The following SHISA5 variants were observed in gnomAD, a reference collection of about 807,000 sequenced individuals.
SHISA5 encodes the protein shisa family member 5.
A neutral mutation model predicts 27.5 loss-of-function variants in SHISA5; 21 were observed. The observed-to-expected ratio is 0.76, with a 90% CI of 0.54 to 1.10. SHISA5 has a LOEUF of 1.10. Ranked by LOEUF, SHISA5 falls within the 50% of genes least tolerant of loss-of-function variation. The pLI is 0.00. For synonymous variants in SHISA5, 137 were observed against 142.2 expected (o/e 0.96, Z 0.26); for missense variants, 314 against 336.3 (o/e 0.93, Z 0.52).
intron 2 of SHISA5, among the ~76,000 whole-genome samples, chr3:48,483,351 T>A (rs2041085732): frequency 6.6e-6 from 1 of 152,008 alleles, no homozygotes; most frequent in Admixed American, 6.6e-5. Flanking sequence ...CCGCCCTTAA[T>A]CCATTTAACC....
Position 48,473,102 on chromosome 3 carries a change from C to A in SHISA5, c.315-3259G>T. ...GGGCCACTCAGTTTCAATTTCCTCC[C>A]CTTTTGGAGAAAAAGAAAGCAAATC... On this transcript the variant is annotated intron_variant, in intron 3 of 5. Coordinates refer to ENST00000296444, the MANE Select transcript of SHISA5 (RefSeq NM_016479.6). The surrounding 1 kb of genome is among the most constrained non-coding windows in gnomAD (Gnocchi z 4.3). 1 of 1,486,300 alleles carries A rather than the reference C, an allele frequency of 6.7e-7. No individual in the cohort carries two copies. Among genetic ancestry groups the A allele is most frequent in the South Asian group, 1.3e-5 (1 of 77,814 alleles). 92.1% of individuals were successfully genotyped at this position (1,486,300 alleles called of 1,614,324 possible).
Position 48,504,029 on chromosome 3 carries a change from C to T in SHISA5, c.66G>A (p.Pro22=). ...CCACCCCCGGCTCACCACCCGGAGG[C>T]GGCGTTAGCAGCAGCAGCAACAGCA... ...LPLLLLLLLT[P]PPGARGEVCM... The change falls in exon 1 of 6, where the codon CCG becomes CCA. Residue 22 remains proline (P), a synonymous_variant. Coordinates refer to ENST00000296444, the MANE Select transcript of SHISA5 (RefSeq NM_016479.6). The surrounding 1 kb of genome is among the most constrained non-coding windows in gnomAD (Gnocchi z 4.0). 2.7e-6 allele frequency: 4 copies of T among 1,466,580 alleles called. No individual in the cohort carries two copies. The highest frequency in any genetic ancestry group is 2.7e-6 in the Non-Finnish European group (3 of 1,105,580). The allele number at this position is 1,466,580 out of a possible 1,614,324, so 90.8% of individuals were successfully genotyped here.
chr3:48,486,503 AT>A (rs1437000977), intron 2 of SHISA5, among the ~76,000 whole-genome samples: 1 of 113,276 alleles, frequency 8.8e-6, no homozygotes, highest in Non-Finnish European at 1.7e-5. Flanking sequence ...TATATTTATA[AT>A]TATATAATAT....
At position 48,473,637 on chromosome 3, in the gene SHISA5, T is replaced by C; in HGVS notation, c.315-3794A>G. Reference sequence around the variant, plus strand: ...TGGGGCCACCATGCAAGGTCCATCATGTCACCACCTGCTCAAACGCCAGCT... The same window carrying C: ...TGGGGCCACCATGCAAGGTCCATCACGTCACCACCTGCTCAAACGCCAGCT... On this transcript the variant is annotated intron_variant, in intron 3 of 5. Coordinates refer to ENST00000296444, the MANE Select transcript of SHISA5 (RefSeq NM_016479.6). The surrounding 1 kb of genome is among the most constrained non-coding windows in gnomAD (Gnocchi z 4.3). 2 of 1,179,036 alleles carry C rather than the reference T, an allele frequency of 1.7e-6. No homozygotes were observed. Among genetic ancestry groups the C allele is most frequent in the Non-Finnish European group, 2.1e-6 (2 of 933,520 alleles). The allele number at this position is 1,179,036 out of a possible 1,614,324, so 73.0% of individuals were successfully genotyped here.
intron 2 of SHISA5, among the ~76,000 whole-genome samples, chr3:48,490,049 G>A (rs1013786227): frequency 6.6e-6 from 1 of 152,026 alleles, no homozygotes; most frequent in African/African-American, 2.4e-5. Context: ...CCAGGTTGCC[G>A]CCACCTCCGT....
At chr3:48,497,252 T>A (rs2041581049) in intron 2 of SHISA5, among the ~76,000 whole-genome samples, 1 of 148,618 alleles carries the variant, frequency 6.7e-6, no homozygotes, top group Non-Finnish European at 1.5e-5. Flanking sequence ...TCTTAAGGCT[T>A]CCAGAACAAG....
chr3:48,470,840 T>C lies in SHISA5; in HGVS notation c.315-997A>G, dbSNP rs1403388496. On this transcript the variant is annotated intron_variant, in intron 3 of 5. Coordinates refer to ENST00000296444, the MANE Select transcript of SHISA5 (RefSeq NM_016479.6). The surrounding 1 kb of genome is among the most constrained non-coding windows in gnomAD (Gnocchi z 4.3). ...TACTTGGGAGGCTGAGGCAGGAGAA[T>C]CGCTTGAACCCGAGAGGCAGAGGTT... Among the ~76,000 whole-genome samples, 2 of 151,416 alleles carry C rather than the reference T, an allele frequency of 1.3e-5. No individual in the cohort carries two copies. Among genetic ancestry groups the C allele is most frequent in the African/African-American group, 4.9e-5 (2 of 41,142 alleles).
intron 3 of SHISA5, among the ~76,000 whole-genome samples, chr3:48,474,248 C>T (rs1040270884): frequency 1.3e-5 from 2 of 151,448 alleles, no homozygotes; most frequent in African/African-American, 2.4e-5. Context: ...CCACCACACT[C>T]GGCTATTTTT....
Position 48,469,131 on chromosome 3 carries a change from C to T in SHISA5, c.699G>A (p.Met233Ile). ...CTCAGAGGGCCGCCTTCGGGGCATC[C>T]ATGTAGGCCGGGTTGTAAGGAGGCT... ...ASQPPYNPAYMDAPKAAL is the reference protein window; with the variant it reads ...ASQPPYNPAYIDAPKAAL Residue 233 changes from methionine (M) to isoleucine (I), a missense_variant, in exon 6 of 6, where the codon ATG (methionine) becomes ATA (isoleucine). Coordinates refer to ENST00000296444, the MANE Select transcript of SHISA5 (RefSeq NM_016479.6). The surrounding 1 kb of genome is among the most constrained non-coding windows in gnomAD (Gnocchi z 4.6). 6.2e-7 allele frequency: 1 copy of T among 1,613,098 alleles called. No individual in the cohort carries two copies. Among genetic ancestry groups the T allele is most frequent in the Non-Finnish European group, 8.5e-7 (1 of 1,180,006 alleles).
In SHISA5 at chr3:48,467,922, C is replaced by G. The variant is rs145108953; in HGVS notation, c.*1185G>C. On this transcript the variant is annotated 3_prime_UTR_variant, in exon 6 of 6. Coordinates refer to ENST00000296444, the MANE Select transcript of SHISA5 (RefSeq NM_016479.6). ...TAAACAAGTGTACAGACCCTAGACT[C>G]AGAAACACAACAGATTTGAGCTAAG... 5.6e-6 allele frequency: 2 copies of G among 355,856 alleles called. No individual in the cohort carries two copies. The highest frequency in any genetic ancestry group is 1.0e-5 in the Non-Finnish European group (2 of 198,000). 22.0% of individuals were successfully genotyped at this position (355,856 alleles called of 1,614,324 possible). A position where few individuals can be genotyped will look rare whatever the true frequency, so the allele number is the denominator to read the frequency against.
chr3:48,477,245 C>T (rs899789688), intron 3 of SHISA5, among the ~76,000 whole-genome samples: 2 of 152,000 alleles, frequency 1.3e-5, no homozygotes, highest in African/African-American at 2.4e-5. Context: ...CAGGCACCCG[C>T]CAACACGCCC....
Position 48,473,258 on chromosome 3 carries a change from G to C in SHISA5, c.315-3415C>G. ...CCAAGGGGCGGGGGCCGGGGAGGAG[G>C]GGAAGCAGAGGTGCCCCATTTGCCT... On this transcript the variant is annotated intron_variant, in intron 3 of 5. Transcript: ENST00000296444. This position sits in a 1 kb window ranked among gnomAD's most constrained non-coding sequence, Gnocchi z 4.3. The C allele has an allele frequency of 7.1e-7, 1 of 1,415,168 alleles. No homozygotes were observed. Among genetic ancestry groups the C allele is most frequent in the South Asian group, 1.5e-5 (1 of 67,456 alleles). The allele number at this position is 1,415,168 out of a possible 1,614,324, so 87.7% of individuals were successfully genotyped here.
At chr3:48,490,303 C>T (rs1319310179) in intron 2 of SHISA5, among the ~76,000 whole-genome samples, 1 of 152,202 alleles carries the variant, frequency 6.6e-6, no homozygotes, top group Non-Finnish European at 1.5e-5. Flanking sequence ...AAACTCCTGA[C>T]CTCAGGTGAT....
Position 48,468,048 on chromosome 3 carries a change from A to C in SHISA5, c.*1059T>G. On this transcript the variant is annotated 3_prime_UTR_variant, in exon 6 of 6. Transcript: ENST00000296444. ...GCCCCACACCCCACCTTTGGTCCAGATGGCCCATTGGCCCAGGTGTCCCTG... is the reference window on the plus strand; with the variant it reads ...GCCCCACACCCCACCTTTGGTCCAGCTGGCCCATTGGCCCAGGTGTCCCTG... 2.9e-6 allele frequency: 2 copies of C among 678,860 alleles called. No homozygotes were observed. Among genetic ancestry groups the C allele is most frequent in the Non-Finnish European group, 3.7e-6 (2 of 538,498 alleles). The allele number at this position is 678,860 out of a possible 1,614,324, so 42.1% of individuals were successfully genotyped here. A position where few individuals can be genotyped will look rare whatever the true frequency, so the allele number is the denominator to read the frequency against.
rs769022641 is a variant in SHISA5 at position 48,469,017 on chromosome 3, G to C, written c.*90C>G. On this transcript the variant is annotated 3_prime_UTR_variant, in exon 6 of 6. Transcript: ENST00000296444. The surrounding 1 kb of genome is among the most constrained non-coding windows in gnomAD (Gnocchi z 4.6). ...AAGGAACCGTGCCTGGACACACACA[G>C]CACACATGGGGCGTAAGGAACCGCG... 2.6e-5 allele frequency: 42 copies of C among 1,597,066 alleles called. No homozygotes were observed. Among genetic ancestry groups the C allele is most frequent in the Non-Finnish European group, 3.5e-5 (41 of 1,174,100 alleles).
intron 2 of SHISA5, among the ~76,000 whole-genome samples, chr3:48,497,595 T>TA (rs929325240): frequency 7.3e-5 from 11 of 149,916 alleles, no homozygotes; most frequent in African/African-American, 1.7e-4. Context: ...ATCGGAGGGT[T>TA]AAAAAAAAAG....
In SHISA5 at chr3:48,483,820, C is replaced by G. The variant is rs113542098; in HGVS notation, c.234-4563G>C. Among the ~76,000 whole-genome samples the G allele has an allele frequency of 3.3e-3, 447 of 137,416 alleles. 2 individuals carry two copies. The highest frequency in any genetic ancestry group is 9.5e-3 in the South Asian group (42 of 4,418). 90.2% of individuals were successfully genotyped at this position (137,416 alleles called of 152,430 possible). On this transcript the variant is annotated intron_variant, in intron 2 of 5. Coordinates refer to ENST00000296444, the MANE Select transcript of SHISA5 (RefSeq NM_016479.6). ...GGCGGCTGGCCGGGCGGGGGGCTGA[C>G]CCCCCCACCTCCCTCCCGGACAGGG...
rs2040416220 is a variant in SHISA5, at chr3:48,467,971, GA to G, written c.*1135del. The G allele has an allele frequency of 3.7e-6, 1 of 273,372 alleles. No homozygotes were observed. Among genetic ancestry groups the G allele is most frequent in the Non-Finnish European group, 6.5e-6 (1 of 153,378 alleles). 16.9% of individuals were successfully genotyped at this position (273,372 alleles called of 1,614,324 possible). On this transcript the variant is annotated 3_prime_UTR_variant, in exon 6 of 6. Coordinates refer to ENST00000296444, the MANE Select transcript of SHISA5 (RefSeq NM_016479.6). ...AGACAGCTCTGGTGAAACAGTAATA[GA>G]GGGAGGAGGAACACGAGGTATTCAT...
chr3:48,485,844 A>G (rs1162888238), intron 2 of SHISA5, among the ~76,000 whole-genome samples: 2 of 151,344 alleles, frequency 1.3e-5, no homozygotes, highest in Non-Finnish European at 2.9e-5. Context: ...AGGGCAGCTG[A>G]GAGGCTGAGC....
Sources: allele counts gnomAD v4.1 joint callset (sites outside exome capture counted in the v4.1 genomes callset), GRCh38; gene constraint gnomAD v4.1.1; non-coding constraint Gnocchi (gnomAD v3.1); transcripts MANE v1.5; gene names NCBI Gene and HGNC (gene_info 2026-07-23, HGNC 2026-07-21).